XPO1: variants seen among roughly 807,000 people sequenced by gnomAD.
XPO1 encodes exportin-1.
In XPO1, 5 loss-of-function variants were observed where a neutral mutation model predicts 133.3. The observed-to-expected ratio is 0.04, with a 90% CI of 0.02 to 0.08. XPO1 has a LOEUF of 0.08. XPO1 is among the 10% of genes least tolerant of loss of function. The probability of loss-of-function intolerance (pLI) is 1.00; values close to 1 mark genes in which losing one functional copy is unlikely to be tolerated. For synonymous variants in XPO1, 419 were observed against 408.2 expected (o/e 1.03, Z -0.32); for missense variants, 506 against 1,267.5 (o/e 0.40, Z 9.12).
In XPO1 at chr2:61,481,297, C is replaced by A. The variant is rs1412036063; in HGVS notation, c.2973-16G>T. The A allele has an allele frequency of 1.3e-6, 2 of 1,581,736 alleles. No individual in the cohort carries two copies. The highest frequency in any genetic ancestry group is 1.1e-5 in the South Asian group (1 of 88,428). On this transcript the variant is annotated splice_polypyrimidine_tract_variant and intron_variant, in intron 23 of 24. Coordinates refer to ENST00000401558, the MANE Select transcript of XPO1 (RefSeq NM_003400.4). ...TACTTGAGCACTGCAAATCAAAACA[C>A]AATGATTAAATAATGATTTATTTTT...
chr2:61,480,988 ATATC>A (rs1369928418), intron 24 of XPO1, among the ~76,000 whole-genome samples, 193 bp downstream of exon 24: 2 of 152,192 alleles, frequency 1.3e-5, no homozygotes, highest in African/African-American at 4.8e-5. Context: ...CATCTCAAAC[ATATC>A]TATCCTTATT....
chr2:61,525,004 C>T (rs1046310099), intron 3 of XPO1, among the ~76,000 whole-genome samples: 1 of 151,864 alleles, frequency 6.6e-6, no homozygotes, highest in African/African-American at 2.4e-5. Context: ...TAAATCACTA[C>T]AATCCAAACA....
intron 20 of XPO1, 139 bp downstream of exon 20, chr2:61,485,629 G>T: frequency 1.2e-6 from 1 of 811,482 alleles, no homozygotes; most frequent in Non-Finnish European, 1.8e-6. Context: ...AACCAAGAAA[G>T]TATTTCCCTA....
chr2:61,518,603 C>T (rs1335569461), intron 4 of XPO1, among the ~76,000 whole-genome samples: 3 of 151,460 alleles, frequency 2.0e-5, no homozygotes, highest in Non-Finnish European at 2.9e-5. Flanking sequence ...GGCAACAGAG[C>T]GAGACTCTGT....
chr2:61,501,897 T>A, intron 6 of XPO1, 99 bp downstream of exon 6: 1 of 1,003,002 alleles, frequency 1.0e-6, no homozygotes, highest in South Asian at 1.7e-5. Context: ...TCACTACTTC[T>A]GCAAAATATT....
At chr2:61,504,557 G>T (rs1469083413) in intron 4 of XPO1, among the ~76,000 whole-genome samples, 3 of 152,152 alleles carry the variant, frequency 2.0e-5, no homozygotes, top group African/African-American at 7.2e-5. Context: ...ATAGCGTTCA[G>T]ATTTTTGGAA....
Position 61,478,187 on chromosome 2 carries a change from A to C in XPO1, c.*633T>G, listed in dbSNP as rs1044883256. On this transcript the variant is annotated 3_prime_UTR_variant, in exon 25 of 25. Coordinates refer to ENST00000401558, the MANE Select transcript of XPO1 (RefSeq NM_003400.4). ...AAAGCTGTTGTCGACAAGCGACAGC[A>C]CACACACACAAAAACAAAAAGAACT... 1 of 232,770 alleles carries C rather than the reference A, an allele frequency of 4.3e-6. No individual in the cohort carries two copies. The highest frequency in any genetic ancestry group is 8.5e-6 in the Non-Finnish European group (1 of 117,484). 14.4% of individuals were successfully genotyped at this position (232,770 alleles called of 1,614,324 possible). A position where few individuals can be genotyped will look rare whatever the true frequency, so the allele number is the denominator to read the frequency against.
At chr2:61,535,083 T>C (rs914303858) in intron 1 of XPO1, among the ~76,000 whole-genome samples, 3 of 152,376 alleles carry the variant, frequency 2.0e-5, no homozygotes, top group Non-Finnish European at 2.9e-5. Flanking sequence ...TAAAACCTAC[T>C]AGTTCATATG....
intron 16 of XPO1, 37 bp from the exon 17 acceptor site, chr2:61,490,813 T>C (rs1696942554): frequency 4.4e-6 from 7 of 1,600,156 alleles, no homozygotes; most frequent in Non-Finnish European, 6.0e-6. Context: ...GTTTATGTTA[T>C]ACACCCTAAT....
intron 20 of XPO1, 102 bp downstream of exon 20, chr2:61,485,666 C>T: frequency 1.0e-6 from 1 of 997,714 alleles, no homozygotes; most frequent in East Asian, 2.6e-5. Flanking sequence ...ATTTAAACTC[C>T]ATGGCATTAA....
At chr2:61,484,879 G>C (rs1316381907) in intron 20 of XPO1, 1 of 152,544 alleles carries the variant, frequency 6.6e-6, no homozygotes, top group Admixed American at 6.5e-5. Context: ...GCCTCCCAAA[G>C]TGCTGGGATT....
At position 61,498,698 on chromosome 2, in the gene XPO1, T is replaced by C. The variant is rs772150895; in HGVS notation, c.734A>G (p.Lys245Arg). 1.9e-6 allele frequency: 3 copies of C among 1,614,022 alleles called. No individual in the cohort carries two copies. Among genetic ancestry groups the C allele is most frequent in the Non-Finnish European group, 1.7e-6 (2 of 1,179,982 alleles). ...CTTATAAATCAATGTGCTGATTAAT[T>C]TGGTCTCAAAAATATATCCCAGGGG... ...WIPLGYIFETKLISTLIYKFL... is the reference protein window; with the variant it reads ...WIPLGYIFETRLISTLIYKFL... Residue 245 changes from lysine (K) to arginine (R), a missense_variant, in exon 9 of 25, where the codon AAA (lysine) becomes AGA (arginine). By Grantham distance (26) the Lys-to-Arg change is conservative. Around this residue, in one of 6 missense-constraint regions of XPO1, gnomAD observed 134 missense variants for 261.6 expected, o/e 0.51. Transcript: ENST00000401558.
At chr2:61,482,815 C>CA (rs1234931853) in intron 22 of XPO1, 142 bp downstream of exon 22, 2 of 972,092 alleles carry the variant, frequency 2.1e-6, no homozygotes. Context: ...TTAGTACAGA[C>CA]AGTTTCACCA....
Position 61,506,330 on chromosome 2 carries a change from T to A in XPO1, c.302-4020A>T, listed in dbSNP as rs562009072. Among the ~76,000 whole-genome samples, 19 of 152,186 alleles carry A rather than the reference T, an allele frequency of 1.2e-4. 1 individual carries two copies. In the South Asian group the frequency reaches 2.3e-3, roughly 18 times the overall value. Reference sequence around the variant, plus strand: ...CCCAGCTACTCAGGAGGCTGAGGCATGAGAATCATTTGAACCCAGGAAATG... The same window carrying A: ...CCCAGCTACTCAGGAGGCTGAGGCAAGAGAATCATTTGAACCCAGGAAATG... On this transcript the variant is annotated intron_variant, in intron 4 of 24. Transcript: ENST00000401558.
chr2:61,490,986 C>G (rs1452686225), intron 16 of XPO1, among the ~76,000 whole-genome samples: 2 of 152,170 alleles, frequency 1.3e-5, no homozygotes, highest in Non-Finnish European at 2.9e-5. Context: ...GAAACCCCAT[C>G]TCTTCTACAA....
chr2:61,496,836 C>A, intron 10 of XPO1, 43 bp downstream of exon 10: 1 of 1,466,798 alleles, frequency 6.8e-7, no homozygotes, highest in Non-Finnish European at 9.1e-7. Flanking sequence ...TTTTCTAAGG[C>A]ACTAAAATTA....
intron 17 of XPO1, among the ~76,000 whole-genome samples, chr2:61,489,689 G>C (rs1357739224): frequency 6.6e-6 from 1 of 151,156 alleles, no homozygotes; most frequent in Non-Finnish European, 1.5e-5. Context: ...TGAGTAGCTG[G>C]GACTTACAGG....
intron 4 of XPO1, among the ~76,000 whole-genome samples, chr2:61,514,227 T>A (rs1422155847): frequency 6.6e-6 from 1 of 151,650 alleles, no homozygotes; most frequent in East Asian, 1.9e-4. Flanking sequence ...AACAGACATT[T>A]CACCAAAAAC....
chr2:61,488,388 C>G, intron 18 of XPO1, 117 bp from the exon 19 acceptor site: 2 of 1,238,190 alleles, frequency 1.6e-6, no homozygotes, highest in Non-Finnish European at 2.3e-6. Context: ...CAAAAGTTCA[C>G]AAAATTTATT....
Sources: gnomAD v4.1 joint callset for allele counts (sites outside exome capture counted in the v4.1 genomes callset) on GRCh38, gnomAD v4.1.1 for gene constraint, gnomAD v4.1.1 regional missense constraint, MANE v1.5 for transcripts, NCBI Gene and HGNC (gene_info 2026-07-23, HGNC 2026-07-21) for gene names.